Variants in CYP4A22 observed in about 807,000 individuals in gnomAD.
The protein encoded by CYP4A22 is cytochrome P450 family 4 subfamily A member 22, also known as cytochrome P450 4A22.
Under a neutral mutation model 56.2 loss-of-function variants are expected in CYP4A22, and 46 were observed. The observed-to-expected ratio is 0.82, with a 90% CI of 0.65 to 1.05. CYP4A22 has a LOEUF of 1.05. Among genes scored for constraint, CYP4A22 ranks in the 50% least tolerant of loss-of-function variants. CYP4A22 has a pLI of 0.00. For missense variants in CYP4A22, 541 were observed against 645.9 expected, an observed-to-expected ratio of 0.84 and a Z score of 1.76; for synonymous variants, 193 against 251.1, an observed-to-expected ratio of 0.77 and a Z score of 2.19.
At chr1:47,140,696 G>A in intron 1 of CYP4A22, 84 bp from the exon 2 acceptor site, 5 of 1,562,670 alleles carry the variant, frequency 3.2e-6, no homozygotes, top group Non-Finnish European at 3.5e-6. Context: ...GTGCTACATG[G>A]CTCCTGTAGT....
rs771740217 is a variant in CYP4A22 at position 47,142,180 on chromosome 1, A to G, written c.455A>G (p.Asn152Ser). 2.5e-6 allele frequency: 4 copies of G among 1,613,712 alleles called. No individual in the cohort carries two copies. In the South Asian group the frequency reaches 3.3e-5, roughly 13 times the overall value. ...CGGATGCTGACCCCAGCCTTCCACAATGACATCCTGAAGCCATACGTGGGG... is the reference window on the plus strand; with the variant it reads ...CGGATGCTGACCCCAGCCTTCCACAGTGACATCCTGAAGCCATACGTGGGG... ...HRRMLTPAFH[N>S]DILKPYVGLM... The change falls in exon 4 of 12, where the codon AAT becomes AGT. Residue 152 changes from asparagine to serine, a missense_variant. By Grantham distance (46) the Asn-to-Ser change is conservative. This residue lies in a region of CYP4A22 where 335 missense variants were observed against 361.2 expected (regional missense o/e 0.93). Coordinates refer to ENST00000371891, the MANE Select transcript of CYP4A22 (RefSeq NM_001010969.4).
rs569577015 is a variant in CYP4A22, at chr1:47,147,034, G to A, written c.1364+881G>A. ...GAGAGGAAAACTCCAGAATGGCTGC[G>A]GTGGAAATCATCGTGGCATCAGGAA... On this transcript the variant is annotated intron_variant, in intron 11 of 11. Coordinates refer to ENST00000371891, the MANE Select transcript of CYP4A22 (RefSeq NM_001010969.4). The A allele has an allele frequency of 2.2e-5, 22 of 985,430 alleles. No homozygotes were observed. The African/African-American group carries it at 2.4e-4, about 11-fold the overall frequency. The allele number at this position is 985,430 out of a possible 1,614,324, so 61.0% of individuals were successfully genotyped here. A position where few individuals can be genotyped will look rare whatever the true frequency, so the allele number is the denominator to read the frequency against.
chr1:47,139,031 T>C (rs1313879386), intron 1 of CYP4A22, among the ~76,000 whole-genome samples: 2 of 152,260 alleles, frequency 1.3e-5, no homozygotes, highest in African/African-American at 4.8e-5. Flanking sequence ...TAGCCCTATA[T>C]GGACTGGTCC....
intron 4 of CYP4A22, among the ~76,000 whole-genome samples, chr1:47,142,572 G>C (rs1645024649): frequency 6.6e-6 from 1 of 152,206 alleles, no homozygotes; most frequent in Non-Finnish European, 1.5e-5. Context: ...GGCTGGCCTG[G>C]GCAATGGCAG....
At chr1:47,140,493 A>G (rs895937156) in intron 1 of CYP4A22, among the ~76,000 whole-genome samples, 2 of 152,212 alleles carry the variant, frequency 1.3e-5, no homozygotes, top group Non-Finnish European at 2.9e-5. Context: ...AGTTATGCAC[A>G]TTGCCCAAGG....
At chr1:47,139,001 G>A (rs1309427792) in intron 1 of CYP4A22, among the ~76,000 whole-genome samples, 2 of 152,244 alleles carry the variant, frequency 1.3e-5, no homozygotes, top group African/African-American at 2.4e-5. Context: ...CAGAACCAAT[G>A]TGGGGACCTG....
Position 47,144,829 on chromosome 1 carries a change from T to C in CYP4A22, c.1089-8T>C, listed in dbSNP as rs759983036. 1.2e-6 allele frequency: 2 copies of C among 1,613,498 alleles called. No homozygotes were observed. Among genetic ancestry groups the C allele is most frequent in the East Asian group, 4.5e-5 (2 of 44,788 alleles). On this transcript the variant is annotated splice_region_variant and splice_polypyrimidine_tract_variant and intron_variant, in intron 8 of 11. Coordinates refer to ENST00000371891, the MANE Select transcript of CYP4A22 (RefSeq NM_001010969.4). ...GCCTTGCTGGTGTTCAGGATGGAAT[T>C]GTTTCAGGAACCACCTGGACCAGAT...
rs1230579165 is a variant in CYP4A22, at chr1:47,144,406, G to A, written c.840G>A (p.Leu280=). 1.2e-6 allele frequency: 2 copies of A among 1,613,942 alleles called. No individual in the cohort carries two copies. The highest frequency in any genetic ancestry group is 1.7e-6 in the Non-Finnish European group (2 of 1,179,862). Residue 280 remains leucine (L), a synonymous_variant, in exon 7 of 12, where the codon CTG becomes CTA. Coordinates refer to ENST00000371891, the MANE Select transcript of CYP4A22 (RefSeq NM_001010969.4). ...RKAQLQKEGE[L]EKIKRKRHLD... ...CTCAACTACAGAAGGAGGGGGAGCT[G>A]GAGAAGATCAAGAGGAAGAGGCACT... is the stretch of plus-strand genomic sequence containing the variant.
At chr1:47,148,564 G>A in intron 11 of CYP4A22, 38 bp from the exon 12 acceptor site, 1 of 1,571,966 alleles carries the variant, frequency 6.4e-7, no homozygotes, top group South Asian at 1.2e-5. Context: ...AATGGGGCCT[G>A]AGGACACGTC....
intron 1 of CYP4A22, among the ~76,000 whole-genome samples, chr1:47,138,617 G>C (rs1433903661): frequency 6.6e-6 from 1 of 152,206 alleles, no homozygotes; most frequent in African/African-American, 2.4e-5. Context: ...AAAACATTAT[G>C]AGATTATTTT....
At position 47,137,533 on chromosome 1, in the gene CYP4A22, C is replaced by T. The variant is rs746517474; in HGVS notation, c.48C>T (p.Ser16=). The T allele has an allele frequency of 7.4e-6, 12 of 1,613,828 alleles. No individual in the cohort carries two copies. Among genetic ancestry groups the T allele is most frequent in the African/African-American group, 6.7e-5 (5 of 74,920 alleles). Residue 16 remains serine, a synonymous_variant, in exon 1 of 12, where the codon TCC becomes TCT. Coordinates refer to ENST00000371891, the MANE Select transcript of CYP4A22 (RefSeq NM_001010969.4). The part of the protein sequence containing the change: ...LSPSRRLGGV[S]GILQVTSLLI... ...CCAGCAGACGCCTGGGTGGTGTCTC[C>T]GGGATCCTCCAAGTGACCTCCCTGC...
rs765912026 is a variant in CYP4A22 at position 47,143,818 on chromosome 1, G to C, written c.692G>C (p.Cys231Ser). The C allele has an allele frequency of 1.9e-6, 3 of 1,613,980 alleles. No homozygotes were observed. Among genetic ancestry groups the C allele is most frequent in the Non-Finnish European group, 2.5e-6 (3 of 1,179,930 alleles). Residue 231 changes from cysteine to serine, a missense_variant, in exon 6 of 12, where the codon TGT becomes TCT. Physicochemically the swap from Cys to Ser is moderately radical, Grantham distance 112 (BLOSUM62 -1). Around this residue, in one of 3 missense-constraint regions of CYP4A22, gnomAD observed 335 missense variants for 361.2 expected, o/e 0.93. Transcript: ENST00000371891. ...ISDLNSLVFC[C>S]MRNAFHENDT... is the part of the protein sequence containing the mutation. ...GACCTGAACAGCCTGGTTTTTTGCT[G>C]TATGAGGAATGCCTTTCATGAGAAT...
At chr1:47,146,303 G>A in intron 11 of CYP4A22, 150 bp downstream of exon 11, 2 of 1,547,478 alleles carry the variant, frequency 1.3e-6, no homozygotes, top group Non-Finnish European at 1.7e-6. Flanking sequence ...ACCTGGTGTG[G>A]GCGTCTCTGT....
intron 11 of CYP4A22, chr1:47,146,443 T>A: frequency 7.9e-7 from 1 of 1,264,408 alleles, no homozygotes; most frequent in South Asian, 2.2e-5. Flanking sequence ...TTTCCTCACT[T>A]TAAGGATATG....
At chr1:47,140,981 G>A in intron 2 of CYP4A22, 60 bp downstream of exon 2, 1 of 1,594,508 alleles carries the variant, frequency 6.3e-7, no homozygotes. Flanking sequence ...ATGCCCCTGG[G>A]TCTGTAAAAT....
intron 11 of CYP4A22, among the ~76,000 whole-genome samples, chr1:47,148,334 G>C (rs1300559906): frequency 1.3e-5 from 2 of 152,240 alleles, no homozygotes; most frequent in Non-Finnish European, 2.9e-5. Flanking sequence ...CCCTGGCCCT[G>C]TCTTGATAGA....
Position 47,140,859 on chromosome 1 carries a change from G to C in CYP4A22, c.275G>C (p.Gly92Ala). The part of the protein sequence containing the change: ...FPSACPYWIW[G>A]GKVRVQLYDP... ...AGTGCCTGTCCTTATTGGATATGGG[G>C]AGGCAAAGTTCGTGTCCAGCTCTAT... The change falls in exon 2 of 12, where the codon GGA (glycine) becomes GCA (alanine). Residue 92 changes from glycine (G) to alanine (A), a missense_variant. Transcript: ENST00000371891. 1 of 1,614,166 alleles carries C rather than the reference G, an allele frequency of 6.2e-7. No homozygotes were observed. Among genetic ancestry groups the C allele is most frequent in the Non-Finnish European group, 8.5e-7 (1 of 1,180,030 alleles).
chr1:47,141,837 A>G (rs1323837910), intron 3 of CYP4A22, among the ~76,000 whole-genome samples: 1 of 152,160 alleles, frequency 6.6e-6, no homozygotes, highest in African/African-American at 2.4e-5. Flanking sequence ...CTCTCCAGAC[A>G]TCCTTGGCTT....
At chr1:47,142,361 A>T in intron 4 of CYP4A22, 126 bp downstream of exon 4, 1 of 1,402,500 alleles carries the variant, frequency 7.1e-7, no homozygotes, top group Non-Finnish European at 9.4e-7. Flanking sequence ...CTCTCAGGTC[A>T]TTGCTGTGAG....
Sources: allele counts gnomAD v4.1 joint callset (sites outside exome capture counted in the v4.1 genomes callset), GRCh38; gene constraint gnomAD v4.1.1; regional missense constraint gnomAD v4.1.1; transcripts MANE v1.5; gene names NCBI Gene and HGNC (gene_info 2026-07-23, HGNC 2026-07-21).